Variants in ECM2 observed in about 807,000 individuals in gnomAD.
The protein encoded by ECM2 is extracellular matrix protein 2.
Under a neutral mutation model 67.5 loss-of-function variants are expected in ECM2, and 57 were observed. That is an observed-to-expected ratio of 0.84 (90% CI 0.68 to 1.05). ECM2 has a LOEUF of 1.05. Ranked by LOEUF, ECM2 falls within the 50% of genes least tolerant of loss-of-function variation. The pLI, the probability that ECM2 is intolerant of heterozygous loss-of-function variation, is 0.00. For missense variants in ECM2, 741 were observed against 822.8 expected, an observed-to-expected ratio of 0.90 and a Z score of 1.22; for synonymous variants, 258 against 294.5, an observed-to-expected ratio of 0.88 and a Z score of 1.27.
At chr9:92,502,287 TTAC>T (rs1846726515) in intron 8 of ECM2, among the ~76,000 whole-genome samples, 3 of 152,134 alleles carry the variant, frequency 2.0e-5, no homozygotes, top group Admixed American at 6.5e-5. Flanking sequence ...ACAACAGTAG[TTAC>T]TGCAATAATC....
chr9:92,514,555 G>A lies in ECM2; in HGVS notation c.1054+76C>T, dbSNP rs117548897. ...CTTTCAAAGTGCTGAGATTATAGGC[G>A]TGAGCCACCGTGCCCAGCTGCTAAG... On this transcript the variant is annotated intron_variant, in intron 4 of 9. Transcript: ENST00000344604. 14 of 1,506,910 alleles carry A rather than the reference G, an allele frequency of 9.3e-6. No homozygotes were observed. In the African/African-American group the frequency reaches 9.8e-5, roughly 11 times the overall value. The allele number at this position is 1,506,910 out of a possible 1,614,324, so 93.3% of individuals were successfully genotyped here.
chr9:92,511,120 CTT>C (rs1033253317), intron 5 of ECM2, among the ~76,000 whole-genome samples: 3 of 152,016 alleles, frequency 2.0e-5, no homozygotes, highest in Non-Finnish European at 4.4e-5. Flanking sequence ...TGAATTCTCT[CTT>C]CTTTTCTCCT....
chr9:92,501,133 C>T (rs184512785), intron 8 of ECM2, 80 bp from the exon 9 acceptor site: 107 of 1,392,432 alleles, frequency 7.7e-5, no homozygotes, highest in Admixed American at 3.2e-4. Flanking sequence ...AGGCCAGTCT[C>T]GATGCTGGTC....
chr9:92,516,293 G>C (rs1479757167), intron 3 of ECM2, among the ~76,000 whole-genome samples: 1 of 152,124 alleles, frequency 6.6e-6, no homozygotes, highest in African/African-American at 2.4e-5. Context: ...TCGAACACCT[G>C]ACCTTGTGAT....
chr9:92,545,356 C>T, the ECM2 span, among the ~76,000 whole-genome samples: 2 of 152,156 alleles, frequency 1.3e-5, no homozygotes, highest in African/African-American at 4.8e-5. Flanking sequence ...TGGCGGGCCC[C>T]GTACTGGGAG....
At chr9:92,545,394 C>A in the ECM2 span, among the ~76,000 whole-genome samples, 4 of 152,320 alleles carry the variant, frequency 2.6e-5, no homozygotes, top group African/African-American at 4.8e-5. Flanking sequence ...AGCACCCCGG[C>A]CAGCAGCTGC....
the ECM2 span, among the ~76,000 whole-genome samples, chr9:92,558,227 AT>A: frequency 6.6e-6 from 1 of 152,094 alleles, no homozygotes; most frequent in South Asian, 2.1e-4. Context: ...GTTTTGTCAT[AT>A]TACCAGGGTT....
chr9:92,500,916 G>GA lies in ECM2; in HGVS notation c.1741_1742insT (p.Pro581LeufsTer11), dbSNP rs978764730. The GA allele has an allele frequency of 2.5e-6, 4 of 1,614,042 alleles. No individual in the cohort carries two copies. The African/African-American group carries it at 5.3e-5, about 22-fold the overall frequency. ...TGACAGGTACAAGTATTCCAGGCCT[G>GA]GTTCCATGTGGCCAAACACATAGCC... is the stretch of plus-strand genomic sequence containing the variant. On this transcript the variant is annotated frameshift_variant, in exon 9 of 10. Transcript: ENST00000344604. LOFTEE classifies it high-confidence loss of function.
intron 1 of ECM2, chr9:92,527,927 A>G (rs866548898): frequency 6.5e-6 from 1 of 154,246 alleles, no homozygotes; most frequent in Middle Eastern, 5.2e-4. Flanking sequence ...TGCCATAACA[A>G]CATTCCTACT....
upstream of ECM2, among the ~76,000 whole-genome samples, chr9:92,540,305 G>A (rs1366077493): frequency 6.6e-6 from 1 of 152,090 alleles, no homozygotes; most frequent in African/African-American, 2.4e-5. Flanking sequence ...AGGCAAGGTG[G>A]CATGCGCCAG....
At chr9:92,518,951 G>T (rs1294282355) in intron 2 of ECM2, among the ~76,000 whole-genome samples, 1 of 152,136 alleles carries the variant, frequency 6.6e-6, no homozygotes, top group African/African-American at 2.4e-5. Context: ...CTACATACAA[G>T]ATTGTAGATA....
chr9:92,510,284 T>C lies in ECM2; in HGVS notation c.1171-250A>G, dbSNP rs574731751. Among the ~76,000 whole-genome samples the C allele has an allele frequency of 8.1e-4, 124 of 152,346 alleles. No individual in the cohort carries two copies. The highest frequency in any genetic ancestry group is 2.7e-3 in the African/African-American group (113 of 41,582). ...TTGTAGCTTACTCACCACGTTTATA[T>C]TGCAGCTTTAGAAAGTGAGAGAAAG... On this transcript the variant is annotated intron_variant, in intron 5 of 9. Coordinates refer to ENST00000344604, the MANE Select transcript of ECM2 (RefSeq NM_001393.4).
chr9:92,524,366 G>T (rs1266852490), intron 1 of ECM2, among the ~76,000 whole-genome samples: 4 of 152,168 alleles, frequency 2.6e-5, no homozygotes, highest in African/African-American at 9.7e-5. Flanking sequence ...GGCACTCTTG[G>T]TACAGTAGTA....
In ECM2 at chr9:92,495,636, A is replaced by T. The variant is rs1398837619; in HGVS notation, c.*679T>A. 2.1e-6 allele frequency: 2 copies of T among 934,690 alleles called. No individual in the cohort carries two copies. The highest frequency in any genetic ancestry group is 2.6e-6 in the Non-Finnish European group (2 of 783,878). The allele number at this position is 934,690 out of a possible 1,614,324, so 57.9% of individuals were successfully genotyped here. A position where few individuals can be genotyped will look rare whatever the true frequency, so the allele number is the denominator to read the frequency against. ...AAAAATAATTTTAGAATTATAGAAA[A>T]GTTTCAAAAAGAGTATAGAATTTAT... On this transcript the variant is annotated 3_prime_UTR_variant, in exon 10 of 10. Transcript: ENST00000344604.
intron 1 of ECM2, among the ~76,000 whole-genome samples, chr9:92,531,251 T>G (rs73522328): frequency 0.014 from 2,118 of 152,228 alleles, 57 homozygotes; most frequent in African/African-American, 0.048. Context: ...ATTTCATTAG[T>G]AATTATACAC....
chr9:92,514,635 G>A lies in ECM2; in HGVS notation c.1050C>T (p.Leu350=), dbSNP rs1847570168. The A allele has an allele frequency of 6.4e-7, 1 of 1,568,150 alleles. No individual in the cohort carries two copies. Among genetic ancestry groups the A allele is most frequent in the Non-Finnish European group, 8.7e-7 (1 of 1,155,920 alleles). The change falls in exon 4 of 10, where the codon CTC becomes CTT. Residue 350 remains leucine (L), a synonymous_variant. Coordinates refer to ENST00000344604, the MANE Select transcript of ECM2 (RefSeq NM_001393.4). ...GCAGAAGTCAACATCTCTTACCAGT[G>A]AGCTCCAGACTTGTTATCTGTGGTG... ...LTAPQITSLE[L]TGNSIASIPD...
the ECM2 span, among the ~76,000 whole-genome samples, chr9:92,549,478 C>T: frequency 6.6e-6 from 1 of 152,082 alleles, no homozygotes; most frequent in Non-Finnish European, 1.5e-5. Context: ...GAAACACCGT[C>T]TGTACTAAAA....
intron 4 of ECM2, 76 bp downstream of exon 4, chr9:92,514,555 G>C (rs117548897): frequency 0.049 from 74,071 of 1,506,818 alleles, 2,149 homozygotes; most frequent in South Asian, 0.082. Flanking sequence ...GATTATAGGC[G>C]TGAGCCACCG....
chr9:92,529,115 A>T (rs751603044), intron 1 of ECM2, among the ~76,000 whole-genome samples: 2 of 152,244 alleles, frequency 1.3e-5, no homozygotes, highest in African/African-American at 2.4e-5. Context: ...CAGATTAGAC[A>T]TTACCAAAAA....
Sources: allele counts gnomAD v4.1 joint callset (sites outside exome capture counted in the v4.1 genomes callset), GRCh38; gene constraint gnomAD v4.1.1; transcripts MANE v1.5; gene names NCBI Gene and HGNC (gene_info 2026-07-23, HGNC 2026-07-21).